GRM4: variants seen among roughly 807,000 people sequenced by gnomAD.
GRM4 encodes the protein metabotropic glutamate receptor 4.
In GRM4, 28 loss-of-function variants were observed where a neutral mutation model predicts 81.7. That is an observed-to-expected ratio of 0.34 (90% CI 0.25 to 0.47). The LOEUF (loss-of-function observed/expected upper bound fraction) is 0.47, where lower values mean the gene tolerates loss of function less well. GRM4 is among the 20% of genes least tolerant of loss of function. The probability of loss-of-function intolerance (pLI) is 1.00; values close to 1 mark genes in which losing one functional copy is unlikely to be tolerated. For synonymous variants in GRM4, 488 were observed against 528.8 expected (o/e 0.92, Z 1.06); for missense variants, 948 against 1,290.0 (o/e 0.73, Z 4.06).
Position 34,035,548 on chromosome 6 carries a change from AGAATGAGGCATGAAAGAAG to A in GRM4, c.2442+101_2442+119del. ...GGCAGAATGAGGCAAGAAAGAAGGC[AGAATGAGGCATGAAAGAAG>A]GCATTTCTGGAGCAGGGGGGAGGCC... On this transcript the variant is annotated intron_variant, in intron 9 of 10. Coordinates refer to ENST00000538487, the MANE Select transcript of GRM4 (RefSeq NM_000841.4). The surrounding 1 kb of genome is among the most constrained non-coding windows in gnomAD (Gnocchi z 6.6). 17 of 363,606 alleles carry A rather than the reference AGAATGAGGCATGAAAGAAG, an allele frequency of 4.7e-5. No homozygotes were observed. Among genetic ancestry groups the A allele is most frequent in the Non-Finnish European group, 6.6e-5 (15 of 228,662 alleles). 22.5% of individuals were successfully genotyped at this position (363,606 alleles called of 1,614,324 possible). A position where few individuals can be genotyped will look rare whatever the true frequency, so the allele number is the denominator to read the frequency against.
upstream of GRM4, among the ~76,000 whole-genome samples, chr6:34,148,868 A>G (rs751473215): frequency 3.9e-5 from 6 of 152,180 alleles, no homozygotes; most frequent in Non-Finnish European, 5.9e-5. Context: ...CTCGTGGAGT[A>G]AGCAGGGAGT....
At chr6:34,083,404 G>A (rs1225993869) in intron 3 of GRM4, among the ~76,000 whole-genome samples, 1 of 152,234 alleles carries the variant, frequency 6.6e-6, no homozygotes, top group Admixed American at 6.5e-5. Flanking sequence ...ATCATGAGCA[G>A]TCACATTAAC....
At chr6:34,066,941 C>T (rs1050644230) in intron 3 of GRM4, among the ~76,000 whole-genome samples, 6 of 152,098 alleles carry the variant, frequency 3.9e-5, no homozygotes, top group East Asian at 1.9e-4. Flanking sequence ...GCTGCATAGC[C>T]GCAGCTAGCC....
At chr6:34,142,466 G>C (rs531997774) in intron 1 of GRM4, among the ~76,000 whole-genome samples, 1 of 152,334 alleles carries the variant, frequency 6.6e-6, no homozygotes, top group South Asian at 2.1e-4. Flanking sequence ...GTCTAGGAGA[G>C]AGGACACGTC....
intron 9 of GRM4, among the ~76,000 whole-genome samples, chr6:34,029,798 C>T (rs1173384392): frequency 6.6e-6 from 1 of 152,214 alleles, no homozygotes; most frequent in Non-Finnish European, 1.5e-5. Context: ...GGGGCATGAC[C>T]GGACAGCCAT....
chr6:34,103,523 T>C, intron 2 of GRM4: 1 of 1,372,850 alleles, frequency 7.3e-7, no homozygotes, highest in South Asian at 1.2e-5. Context: ...AACGCGATCC[T>C]CAAATCAGCA....
chr6:34,088,825 G>GGT (rs1030161696), intron 3 of GRM4, among the ~76,000 whole-genome samples: 21 of 152,326 alleles, frequency 1.4e-4, no homozygotes, highest in African/African-American at 5.1e-4. Context: ...GCCCAGGCAG[G>GGT]GCTCAGTCAA....
Position 34,019,721 on chromosome 6 carries a change from G to C in GRM4, c.*3100C>G, listed in dbSNP as rs1255422923. 1 of 152,220 alleles carries C rather than the reference G, an allele frequency of 6.6e-6. No homozygotes were observed. Among genetic ancestry groups the C allele is most frequent in the Non-Finnish European group, 1.5e-5 (1 of 68,056 alleles). 9.4% of individuals were successfully genotyped at this position (152,220 alleles called of 1,614,324 possible). A position where few individuals can be genotyped will look rare whatever the true frequency, so the allele number is the denominator to read the frequency against. On this transcript the variant is annotated 3_prime_UTR_variant, in exon 11 of 11. Coordinates refer to ENST00000538487, the MANE Select transcript of GRM4 (RefSeq NM_000841.4). ...CGCTGGCTCCCTATCCAGGGTGCCA[G>C]GGACCCTGAACCCCCCATCTTGTTG...
At chr6:34,044,650 A>T (rs551782243) in intron 6 of GRM4, among the ~76,000 whole-genome samples, 2 of 148,706 alleles carry the variant, frequency 1.3e-5, no homozygotes, top group Non-Finnish European at 3.0e-5. Context: ...ACACATATAC[A>T]TACATACACA....
At chr6:34,116,758 C>T (rs1769615407) in intron 2 of GRM4, among the ~76,000 whole-genome samples, 1 of 152,104 alleles carries the variant, frequency 6.6e-6, no homozygotes, top group Non-Finnish European at 1.5e-5. Context: ...CTGGATTCAG[C>T]CCAAATGTCC....
chr6:34,094,318 G>A (rs915005351), intron 2 of GRM4, among the ~76,000 whole-genome samples: 10 of 152,188 alleles, frequency 6.6e-5, no homozygotes, highest in Middle Eastern at 3.4e-3. Flanking sequence ...AACCATGCAC[G>A]TCTTCCACCC....
At chr6:34,061,849 C>A (rs368913393) in intron 4 of GRM4, 44 bp downstream of exon 4, 3 of 1,589,838 alleles carry the variant, frequency 1.9e-6, no homozygotes, top group East Asian at 4.5e-5. Context: ...TTTGCCCACA[C>A]CTGCATGGCT....
rs1771059423 is a variant in GRM4, at chr6:34,152,148, T to A, written c.312+2931A>T. 6.6e-6 allele frequency among the ~76,000 whole-genome samples: 1 copy of A among 152,086 alleles called. No homozygotes were observed. The highest frequency in any genetic ancestry group is 2.4e-5 in the African/African-American group (1 of 41,412). On this transcript the variant is annotated intron_variant, in intron 1 of 8. Transcript: ENST00000374177. This position sits in a 1 kb window ranked among gnomAD's most constrained non-coding sequence, Gnocchi z 4.1. ...AATGTCCCCCTACCACACTCTAGCC[T>A]TGGTTCTACTTAGGAAACTCCATGG...
At chr6:34,129,285 G>A (rs986968378) in intron 2 of GRM4, among the ~76,000 whole-genome samples, 7 of 152,210 alleles carry the variant, frequency 4.6e-5, no homozygotes, top group Non-Finnish European at 8.8e-5. Context: ...AATGTGCTGG[G>A]ATTACAGGTG....
intron 6 of GRM4, 139 bp downstream of exon 6, chr6:34,056,405 C>T: frequency 1.4e-6 from 1 of 721,684 alleles, no homozygotes; most frequent in Non-Finnish European, 2.3e-6. Context: ...AACTCCACCC[C>T]AGGTGCAGGC....
At chr6:34,039,600 C>T (rs1052763417) in intron 8 of GRM4, among the ~76,000 whole-genome samples, 3 of 152,204 alleles carry the variant, frequency 2.0e-5, no homozygotes, top group African/African-American at 4.8e-5. Context: ...TCACCACATC[C>T]GTGGGACATT....
rs12523757 is a variant in GRM4, at chr6:34,036,951, C to T, written c.1507-348G>A. ...ACTCAAGAGTCCTGACTCTTAGCCC[C>T]TAAGGCCTTGCTGCTCACAGTGGTC... On this transcript the variant is annotated intron_variant, in intron 8 of 10. Transcript: ENST00000538487. The surrounding 1 kb of genome is among the most constrained non-coding windows in gnomAD (Gnocchi z 9.0). 5.3e-5 allele frequency among the ~76,000 whole-genome samples: 8 copies of T among 152,220 alleles called. No individual in the cohort carries two copies. Among genetic ancestry groups the T allele is most frequent in the African/African-American group, 1.9e-4 (8 of 41,450 alleles).
At chr6:34,025,533 C>T (rs1309999140) in intron 10 of GRM4, among the ~76,000 whole-genome samples, 1 of 152,148 alleles carries the variant, frequency 6.6e-6, no homozygotes, top group African/African-American at 2.4e-5. Flanking sequence ...CCTCTAATGC[C>T]CTACCTGTCT....
rs1769387093 is a variant in GRM4 at position 34,111,610 on chromosome 6, G to A, written c.520-19511C>T. On this transcript the variant is annotated intron_variant, in intron 2 of 10. Transcript: ENST00000538487. The surrounding 1 kb of genome is among the most constrained non-coding windows in gnomAD (Gnocchi z 5.1). ...ACACCCCGGCAGGGGACAGCTTTCT[G>A]CAGGGCTGGATCCTGCCCATGGGAG... is the stretch of plus-strand genomic sequence containing the variant. 6.6e-6 allele frequency among the ~76,000 whole-genome samples: 1 copy of A among 152,202 alleles called. No homozygotes were observed. The highest frequency in any genetic ancestry group is 2.1e-4 in the South Asian group (1 of 4,832).
Sources: allele counts gnomAD v4.1 joint callset (sites outside exome capture counted in the v4.1 genomes callset), GRCh38; gene constraint gnomAD v4.1.1; non-coding constraint Gnocchi (gnomAD v3.1); transcripts MANE v1.5; gene names NCBI Gene and HGNC (gene_info 2026-07-23, HGNC 2026-07-21).